Variants in LCLAT1 observed in about 807,000 individuals in gnomAD.
LCLAT1 encodes 1-AGP acyltransferase 8.
LCLAT1 carries 11 observed loss-of-function variants against 30.7 expected under a neutral mutation model. The ratio of observed to expected loss-of-function variants is 0.36; its 90% CI spans 0.23 to 0.59. The LOEUF (loss-of-function observed/expected upper bound fraction) is 0.59. Ranked by LOEUF, LCLAT1 falls within the 20% of genes least tolerant of loss-of-function variation. The pLI is 0.77. For missense variants in LCLAT1, 402 were observed against 458.6 expected (o/e 0.88, Z 1.13); for synonymous variants, 155 against 151.3 (o/e 1.02, Z -0.18).
chr2:30,600,096 A>G (rs1667111785), intron 5 of LCLAT1, among the ~76,000 whole-genome samples: 1 of 152,152 alleles, frequency 6.6e-6, no homozygotes, highest in South Asian at 2.1e-4. Flanking sequence ...GAGTTCTTGC[A>G]AGGCAGGCCT....
At chr2:30,613,336 G>A (rs977919122) in intron 5 of LCLAT1, among the ~76,000 whole-genome samples, 2 of 152,124 alleles carry the variant, frequency 1.3e-5, no homozygotes, top group African/African-American at 4.8e-5. Flanking sequence ...AAAATCTGTA[G>A]GTCGGGCAGG....
At chr2:30,529,920 G>A (rs1685907215) in intron 2 of LCLAT1, among the ~76,000 whole-genome samples, 1 of 152,184 alleles carries the variant, frequency 6.6e-6, no homozygotes, top group African/African-American at 2.4e-5. Context: ...CTCAGACTAA[G>A]TAAAGATCCA....
At chr2:30,597,439 C>G (rs1666971622) in intron 5 of LCLAT1, among the ~76,000 whole-genome samples, 1 of 152,128 alleles carries the variant, frequency 6.6e-6, no homozygotes, top group Non-Finnish European at 1.5e-5. Context: ...ATTTGGCTCT[C>G]TGCTTGTCTA....
At chr2:30,516,535 C>A (rs72856658) in intron 1 of LCLAT1, among the ~76,000 whole-genome samples, 1,863 of 152,256 alleles carry the variant, frequency 0.012, 29 homozygotes, top group African/African-American at 0.042. Flanking sequence ...CGGTTCTGTT[C>A]TGTGACCCAC....
At chr2:30,575,384 A>G (rs1246163305) in intron 5 of LCLAT1, among the ~76,000 whole-genome samples, 1 of 152,072 alleles carries the variant, frequency 6.6e-6, no homozygotes, top group Non-Finnish European at 1.5e-5. Flanking sequence ...CAATAAATTT[A>G]TAGTTTGGTA....
chr2:30,480,640 C>T (rs1478035297), intron 1 of LCLAT1, among the ~76,000 whole-genome samples: 2 of 152,056 alleles, frequency 1.3e-5, no homozygotes, highest in Non-Finnish European at 2.9e-5. Flanking sequence ...GTAATTCCAC[C>T]TCTTTGGGAG....
intron 1 of LCLAT1, among the ~76,000 whole-genome samples, chr2:30,489,526 G>A (rs1158620048): frequency 2.6e-5 from 4 of 152,010 alleles, no homozygotes; most frequent in Non-Finnish European, 5.9e-5. Context: ...CTGATTTTTT[G>A]TATTTTTAGT....
chr2:30,609,149 C>T (rs1667613743), intron 5 of LCLAT1, among the ~76,000 whole-genome samples: 1 of 151,102 alleles, frequency 6.6e-6, no homozygotes, highest in African/African-American at 2.5e-5. Context: ...TGTTAATTCG[C>T]ACTAGTTCTT....
intron 5 of LCLAT1, among the ~76,000 whole-genome samples, chr2:30,589,366 T>C (rs1572664064): frequency 1.3e-5 from 2 of 152,086 alleles, no homozygotes; most frequent in East Asian, 3.9e-4. Context: ...CATAGCTGGA[T>C]GCTGACTTTA....
intron 1 of LCLAT1, among the ~76,000 whole-genome samples, chr2:30,524,433 G>A (rs1685613983): frequency 3.3e-5 from 5 of 152,180 alleles, no homozygotes; most frequent in Admixed American, 3.3e-4. Context: ...TAGGTGTATA[G>A]TAGTCCCCTC....
At chr2:30,590,600 GA>G (rs915219414) in intron 5 of LCLAT1, among the ~76,000 whole-genome samples, 4 of 150,628 alleles carry the variant, frequency 2.7e-5, no homozygotes, top group African/African-American at 7.3e-5. Flanking sequence ...GGACGGAAAT[GA>G]AGAAGCAAAT....
At chr2:30,509,454 T>C (rs138323221) in intron 1 of LCLAT1, among the ~76,000 whole-genome samples, 2 of 152,340 alleles carry the variant, frequency 1.3e-5, no homozygotes, top group East Asian at 1.9e-4. Context: ...AGCCCAGTTA[T>C]TGAGAGTTTT....
chr2:30,550,921 A>G (rs1331320375), intron 3 of LCLAT1, among the ~76,000 whole-genome samples: 1 of 151,982 alleles, frequency 6.6e-6, no homozygotes, highest in African/African-American at 2.4e-5. Flanking sequence ...TAATTTTTAG[A>G]TTATAATCTG....
chr2:30,479,286 G>T (rs1683210874), intron 1 of LCLAT1, among the ~76,000 whole-genome samples: 1 of 151,872 alleles, frequency 6.6e-6, no homozygotes, highest in Non-Finnish European at 1.5e-5. Context: ...CTGGACTACA[G>T]TGGTGTGATC....
chr2:30,510,453 A>T (rs1684885745), intron 1 of LCLAT1, among the ~76,000 whole-genome samples: 2 of 152,272 alleles, frequency 1.3e-5, no homozygotes, highest in South Asian at 2.1e-4. Flanking sequence ...AAGCTGGTCT[A>T]ATTTTTAATC....
chr2:30,559,130 TA>T (rs777688137), intron 3 of LCLAT1, among the ~76,000 whole-genome samples: 4 of 152,242 alleles, frequency 2.6e-5, no homozygotes, highest in Non-Finnish European at 4.4e-5. Context: ...TGTGTGATTC[TA>T]CTTATATGAT....
chr2:30,598,828 C>T (rs555319969), intron 5 of LCLAT1, among the ~76,000 whole-genome samples: 5 of 152,010 alleles, frequency 3.3e-5, no homozygotes, highest in Non-Finnish European at 7.4e-5. Context: ...TAGCTGTGTT[C>T]GAGATTCCAG....
At chr2:30,538,110 G>A (rs1291746161) in intron 3 of LCLAT1, among the ~76,000 whole-genome samples, 27 of 152,014 alleles carry the variant, frequency 1.8e-4, no homozygotes, top group African/African-American at 4.8e-5. Context: ...AGCAGTAAAT[G>A]CCTACATCAA....
At chr2:30,514,579 G>A (rs1166376979) in intron 1 of LCLAT1, among the ~76,000 whole-genome samples, 1 of 152,168 alleles carries the variant, frequency 6.6e-6, no homozygotes, top group Non-Finnish European at 1.5e-5. Context: ...TAGGTATTCG[G>A]TGGTCAAAAG....
Sources: gnomAD v4.1 joint callset for allele counts (sites outside exome capture counted in the v4.1 genomes callset) on GRCh38, gnomAD v4.1.1 for gene constraint, MANE v1.5 for transcripts, NCBI Gene and HGNC (gene_info 2026-07-23, HGNC 2026-07-21) for gene names.